DPY19L4: variants seen among roughly 807,000 people sequenced by gnomAD.
DPY19L4 encodes probable C-mannosyltransferase DPY19L4.
In DPY19L4, 97 loss-of-function variants were observed where a neutral mutation model predicts 102.8. That is an observed-to-expected ratio of 0.94 (90% CI 0.80 to 1.12). The LOEUF (loss-of-function observed/expected upper bound fraction) is 1.12. Among genes scored for constraint, DPY19L4 ranks in the 50% most tolerant of loss-of-function variants. DPY19L4 has a pLI of 0.00. For missense variants in DPY19L4, 815 were observed against 850.4 expected (o/e 0.96, Z 0.52); for synonymous variants, 252 against 283.1 (o/e 0.89, Z 1.10).
intron 14 of DPY19L4, among the ~76,000 whole-genome samples, chr8:94,779,137 T>C (rs1449717154): frequency 6.6e-6 from 1 of 152,094 alleles, no homozygotes; most frequent in East Asian, 1.9e-4. Context: ...GAAGCTTCAA[T>C]TTATTGAATG....
At chr8:94,772,000 A>G (rs767260588) in intron 13 of DPY19L4, among the ~76,000 whole-genome samples, 14 of 152,126 alleles carry the variant, frequency 9.2e-5, no homozygotes, top group Non-Finnish European at 1.5e-4. Flanking sequence ...TTCACATGTT[A>G]ATATTTAGAT....
chr8:94,783,852 T>C, intron 17 of DPY19L4, 50 bp downstream of exon 17: 1 of 1,601,856 alleles, frequency 6.2e-7, no homozygotes, highest in Non-Finnish European at 8.5e-7. Context: ...GCACTTTGTA[T>C]TTTAGCATAG....
chr8:94,770,794 G>A (rs907967814), intron 13 of DPY19L4, among the ~76,000 whole-genome samples: 1 of 151,920 alleles, frequency 6.6e-6, no homozygotes. Flanking sequence ...GGAGGCTGAG[G>A]TGGCAGGATC....
intron 6 of DPY19L4, among the ~76,000 whole-genome samples, chr8:94,743,682 G>T (rs1811545828): frequency 6.6e-6 from 1 of 151,788 alleles, no homozygotes; most frequent in Non-Finnish European, 1.5e-5. Context: ...AATGATTATT[G>T]TATTATTTAA....
At chr8:94,744,264 G>A in intron 6 of DPY19L4, 1 of 435,674 alleles carries the variant, frequency 2.3e-6, no homozygotes, top group South Asian at 1.7e-5. Flanking sequence ...CACTCATGTG[G>A]CCATTTCCCA....
chr8:94,745,363 A>G (rs1811627441), intron 6 of DPY19L4, among the ~76,000 whole-genome samples: 1 of 152,172 alleles, frequency 6.6e-6, no homozygotes. Flanking sequence ...TCTCATCTAC[A>G]AATACATACC....
intron 1 of DPY19L4, among the ~76,000 whole-genome samples, chr8:94,721,348 C>G (rs1306846785): frequency 2.6e-5 from 4 of 152,214 alleles, no homozygotes; most frequent in Admixed American, 6.5e-5. Flanking sequence ...TGATGTGTGA[C>G]TTGCTGACCT....
intron 2 of DPY19L4, among the ~76,000 whole-genome samples, chr8:94,727,955 CT>C (rs1810762155): frequency 6.6e-6 from 1 of 151,912 alleles, no homozygotes; most frequent in Non-Finnish European, 1.5e-5. Flanking sequence ...TCTTTTTTTC[CT>C]TTTTCTTTTT....
chr8:94,743,871 TGGCA>T (rs1163275837), intron 6 of DPY19L4, among the ~76,000 whole-genome samples: 1 of 152,020 alleles, frequency 6.6e-6, no homozygotes, highest in Non-Finnish European at 1.5e-5. Context: ...CCAGATGTGG[TGGCA>T]GGTGCTTATA....
At chr8:94,761,623 C>T in intron 7 of DPY19L4, 77 bp from the exon 8 acceptor site, 2 of 1,299,508 alleles carry the variant, frequency 1.5e-6, no homozygotes, top group Non-Finnish European at 2.0e-6. Flanking sequence ...AGAGCTACAA[C>T]TTTGAGGTAA....
chr8:94,777,921 C>T (rs1297956009), intron 14 of DPY19L4, 135 bp downstream of exon 14: 32 of 1,126,510 alleles, frequency 2.8e-5, no homozygotes, highest in Middle Eastern at 2.7e-4. Context: ...ACAGATCCTG[C>T]GCAAAACATT....
At chr8:94,759,599 C>G (rs1158831374) in intron 7 of DPY19L4, among the ~76,000 whole-genome samples, 1 of 148,796 alleles carries the variant, frequency 6.7e-6, no homozygotes, top group East Asian at 2.0e-4. Context: ...CTCTGCCTCC[C>G]AGGTTCAAGC....
At chr8:94,731,370 T>C (rs968245107) in intron 2 of DPY19L4, among the ~76,000 whole-genome samples, 8 of 152,236 alleles carry the variant, frequency 5.3e-5, no homozygotes, top group African/African-American at 1.9e-4. Context: ...CTCTTAACTG[T>C]ATGTCAGGAA....
intron 9 of DPY19L4, 36 bp downstream of exon 9, chr8:94,765,350 ATTT>A: frequency 4.1e-6 from 5 of 1,222,462 alleles, no homozygotes; most frequent in Admixed American, 2.4e-5. Context: ...TCTTATTTTG[ATTT>A]TTTTTTTTTG....
chr8:94,788,269 A>G (rs1277709350), intron 18 of DPY19L4, among the ~76,000 whole-genome samples: 1 of 152,048 alleles, frequency 6.6e-6, no homozygotes, highest in South Asian at 2.1e-4. Flanking sequence ...ATAATAAAAA[A>G]TAATAATGGT....
chr8:94,760,795 A>C (rs1243531274), intron 7 of DPY19L4, among the ~76,000 whole-genome samples: 1 of 152,196 alleles, frequency 6.6e-6, no homozygotes, highest in Non-Finnish European at 1.5e-5. Context: ...ACGTTATGGG[A>C]TTTGTCACAG....
At chr8:94,734,828 C>G in intron 3 of DPY19L4, 74 bp downstream of exon 3, 1 of 1,588,054 alleles carries the variant, frequency 6.3e-7, no homozygotes, top group Non-Finnish European at 8.6e-7. Context: ...ATAAGTATGA[C>G]AAGTGCTGTC....
chr8:94,723,234 AG>A (rs1195477792), intron 1 of DPY19L4, among the ~76,000 whole-genome samples: 1 of 152,218 alleles, frequency 6.6e-6, no homozygotes, highest in Non-Finnish European at 1.5e-5. Flanking sequence ...GCACTTTGGG[AG>A]GCCGAGGCGG....
At chr8:94,745,511 CAATT>C (rs1811633553) in intron 6 of DPY19L4, among the ~76,000 whole-genome samples, 1 of 151,962 alleles carries the variant, frequency 6.6e-6, no homozygotes, top group South Asian at 2.1e-4. Flanking sequence ...ACAATGGTAA[CAATT>C]AAGGAATAAG....
Sources: allele counts gnomAD v4.1 joint callset (sites outside exome capture counted in the v4.1 genomes callset), GRCh38; gene constraint gnomAD v4.1.1; transcripts MANE v1.5; gene names NCBI Gene and HGNC (gene_info 2026-07-23, HGNC 2026-07-21).